The following ARNT2 variants were observed in gnomAD, a reference collection of about 807,000 sequenced individuals.
ARNT2 encodes the protein ARNT protein 2.
ARNT2 carries 36 observed loss-of-function variants against 91.7 expected under a neutral mutation model. The observed-to-expected ratio is 0.39, with a 90% confidence interval of 0.30 to 0.52. The LOEUF (loss-of-function observed/expected upper bound fraction) is 0.52, where lower values mean the gene tolerates loss of function less well. Among genes scored for constraint, ARNT2 ranks in the 20% least tolerant of loss-of-function variants. The pLI is 0.72. For missense variants in ARNT2, 775 were observed against 939.3 expected (o/e 0.83, Z 2.29); for synonymous variants, 365 against 347.1 (o/e 1.05, Z -0.57).
intron 1 of ARNT2, among the ~76,000 whole-genome samples, chr15:80,433,329 A>G (rs1896039566): frequency 7.0e-6 from 1 of 142,310 alleles, no homozygotes; most frequent in South Asian, 2.2e-4. Flanking sequence ...TCTGTTGCCC[A>G]GGCTGGAGTG....
intron 1 of ARNT2, among the ~76,000 whole-genome samples, chr15:80,421,936 G>A (rs368656682): frequency 1.3e-5 from 2 of 152,170 alleles, no homozygotes; most frequent in South Asian, 2.1e-4. Context: ...AACAGAATTA[G>A]TAAAGCATGG....
rs1893385701 is a variant in ARNT2 at position 80,597,091 on chromosome 15, T to G, written c.*3393T>G. 1.9e-6 allele frequency: 1 copy of G among 514,282 alleles called. No homozygotes were observed. Among genetic ancestry groups the G allele is most frequent in the African/African-American group, 1.9e-5 (1 of 51,810 alleles). 31.9% of individuals were successfully genotyped at this position (514,282 alleles called of 1,614,324 possible). ...TGTTAAGGAACTTACACTGGGGAGC[T>G]TTACTCTTCCGTGTCAACAATGTGA... On this transcript the variant is annotated 3_prime_UTR_variant, in exon 19 of 19. Coordinates refer to ENST00000303329, the MANE Select transcript of ARNT2 (RefSeq NM_014862.4).
chr15:80,580,154 G>A, intron 15 of ARNT2: 1 of 481,590 alleles, frequency 2.1e-6, no homozygotes, highest in Non-Finnish European at 3.8e-6. Context: ...GGGAGACCCT[G>A]GGGAGAACGA....
Position 80,454,976 on chromosome 15 carries a change from A to G in ARNT2, c.147-2953A>G, listed in dbSNP as rs1896460546. Among the ~76,000 whole-genome samples, 3 of 152,358 alleles carry G rather than the reference A, an allele frequency of 2.0e-5. No homozygotes were observed. The South Asian group carries it at 6.2e-4, about 32-fold the overall frequency. The stretch of plus-strand genomic sequence containing the variant: ...TGTGTTGAATTAAAGTGAGTACAAT[A>G]GGACTTAAAAGTCATATTTTGATTT... On this transcript the variant is annotated intron_variant, in intron 2 of 18. Transcript: ENST00000303329.
intron 1 of ARNT2, among the ~76,000 whole-genome samples, chr15:80,428,886 C>T (rs958267201): frequency 3.3e-5 from 5 of 152,226 alleles, no homozygotes; most frequent in South Asian, 2.1e-4. Context: ...AATGTTCATT[C>T]GACACATGCT....
Position 80,597,712 on chromosome 15 carries a change from G to C in ARNT2, c.*4014G>C. On this transcript the variant is annotated 3_prime_UTR_variant, in exon 19 of 19. Transcript: ENST00000303329. The stretch of plus-strand genomic sequence containing the variant: ...ACAATCTCAGTTTCCTTTAAAAAAA[G>C]AAAGAAAGGAAAAGATTTCATAAGC... 6.4e-6 allele frequency: 1 copy of C among 156,080 alleles called. No individual in the cohort carries two copies. The highest frequency in any genetic ancestry group is 1.4e-5 in the Non-Finnish European group (1 of 70,002). The allele number at this position is 156,080 out of a possible 1,614,324, so 9.7% of individuals were successfully genotyped here.
chr15:80,439,776 C>G (rs73491043), intron 1 of ARNT2, among the ~76,000 whole-genome samples: 2,460 of 152,242 alleles, frequency 0.016, 85 homozygotes, highest in African/African-American at 0.057. Flanking sequence ...GAGAACTGGC[C>G]TCTTCCCTTT....
At chr15:80,540,036 G>T (rs544793352) in intron 8 of ARNT2, among the ~76,000 whole-genome samples, 1 of 152,020 alleles carries the variant, frequency 6.6e-6, no homozygotes. Context: ...CCCACTACTG[G>T]GTATTTATCC....
At chr15:80,461,985 T>C (rs1290831396) in intron 3 of ARNT2, among the ~76,000 whole-genome samples, 1 of 152,096 alleles carries the variant, frequency 6.6e-6, no homozygotes, top group Non-Finnish European at 1.5e-5. Context: ...AAGATGATCC[T>C]CCCGGGCAGC....
Position 80,442,861 on chromosome 15 carries a change from T to A in ARNT2, c.32-8019T>A, listed in dbSNP as rs142415403. 5.1e-6 allele frequency: 5 copies of A among 985,274 alleles called. No individual in the cohort carries two copies. The East Asian group carries it at 5.7e-4, about 112-fold the overall frequency. The allele number at this position is 985,274 out of a possible 1,614,324, so 61.0% of individuals were successfully genotyped here. ...GTGTAGGAGGATCAGGTGACCAAGG[T>A]TTTTTAGAATTTTCCCTTTTTGGGA... On this transcript the variant is annotated intron_variant, in intron 1 of 18. Transcript: ENST00000303329.
In ARNT2 at chr15:80,478,935, G is replaced by C. The variant is rs77591785; in HGVS notation, c.622+3712G>C. ...CATGTGGTTTTAGGCCTGGAAAGAGGTGACATGGTCCACTTTGGGAGAGTC... is the reference window on the plus strand; with the variant it reads ...CATGTGGTTTTAGGCCTGGAAAGAGCTGACATGGTCCACTTTGGGAGAGTC... On this transcript the variant is annotated intron_variant, in intron 5 of 18. Transcript: ENST00000303329. Among the ~76,000 whole-genome samples the C allele has an allele frequency of 6.6e-5, 10 of 152,342 alleles. No individual in the cohort carries two copies. The East Asian group carries it at 1.4e-3, about 21-fold the overall frequency.
chr15:80,562,946 C>G (rs542699768), intron 11 of ARNT2, 142 bp from the exon 12 acceptor site: 2 of 899,662 alleles, frequency 2.2e-6, no homozygotes, highest in Admixed American at 1.9e-5. Context: ...TGCTCTCCCT[C>G]TCTTACTGTC....
chr15:80,455,663 C>G (rs924281786), intron 2 of ARNT2, among the ~76,000 whole-genome samples: 2 of 152,094 alleles, frequency 1.3e-5, no homozygotes, highest in African/African-American at 2.4e-5. Flanking sequence ...CAGGTATCTC[C>G]ACTCCTATAC....
At chr15:80,452,776 C>T (rs1896418276) in intron 2 of ARNT2, among the ~76,000 whole-genome samples, 1 of 152,160 alleles carries the variant, frequency 6.6e-6, no homozygotes, top group African/African-American at 2.4e-5. Flanking sequence ...CTCTGAGCCT[C>T]TGCCAGGAGT....
intron 1 of ARNT2, among the ~76,000 whole-genome samples, chr15:80,437,282 T>C (rs780041732): frequency 1.3e-5 from 2 of 152,208 alleles, no homozygotes; most frequent in Non-Finnish European, 2.9e-5. Context: ...TCAGAGCTGG[T>C]GGCGGTGTCT....
intron 5 of ARNT2, among the ~76,000 whole-genome samples, chr15:80,475,765 G>A (rs1008965429): frequency 1.3e-5 from 2 of 152,216 alleles, no homozygotes; most frequent in Admixed American, 6.5e-5. Flanking sequence ...AGAGGTTGTC[G>A]TTGATATATT....
chr15:80,517,693 T>C (rs1242373956), intron 8 of ARNT2, among the ~76,000 whole-genome samples: 1 of 151,870 alleles, frequency 6.6e-6, no homozygotes, highest in Non-Finnish European at 1.5e-5. Flanking sequence ...CAAATTGATA[T>C]ATCTTCAAGT....
chr15:80,468,043 C>T (rs910366130), intron 3 of ARNT2, among the ~76,000 whole-genome samples: 2 of 152,072 alleles, frequency 1.3e-5, no homozygotes, highest in Non-Finnish European at 2.9e-5. Context: ...TCTCTGGTTA[C>T]CTCTATCTAC....
chr15:80,444,650 GGTGT>G (rs1167936254), intron 1 of ARNT2: 2 of 151,510 alleles, frequency 1.3e-5, no homozygotes, highest in East Asian at 3.9e-4. Context: ...GTGTGTGCGT[GGTGT>G]GTGTGTGAGT....
Sources: gnomAD v4.1 joint callset for allele counts (sites outside exome capture counted in the v4.1 genomes callset) on GRCh38, gnomAD v4.1.1 for gene constraint, MANE v1.5 for transcripts, NCBI Gene and HGNC (gene_info 2026-07-23, HGNC 2026-07-21) for gene names.